Variants in ANKRD36C observed in about 807,000 individuals in gnomAD.
The protein encoded by ANKRD36C is ankyrin repeat domain 36C.
ANKRD36C carries 61 observed loss-of-function variants against 276.4 expected under a neutral mutation model. That is an observed-to-expected ratio of 0.22 (90% confidence interval 0.18 to 0.27). The LOEUF is 0.27. ANKRD36C is among the 10% of genes least tolerant of loss of function. The pLI, the probability that ANKRD36C is intolerant of heterozygous loss-of-function variation, is 1.00. For missense variants in ANKRD36C, 1,447 were observed against 2,032.3 expected (o/e 0.71, Z 5.54); for synonymous variants, 483 against 680.1 (o/e 0.71, Z 4.51).
chr2:95,945,117 T>C (rs372855619), exon 18 of ANKRD36C: 1 of 1,537,270 alleles, frequency 6.5e-7, no homozygotes, highest in Non-Finnish European at 8.7e-7. Context: ...AGCTTACACT[T>C]TTCTGCAGAT....
intron 42 of ANKRD36C, 133 bp from the exon 45 acceptor site, chr2:95,910,701 G>A (rs1409949344): frequency 2.0e-6 from 3 of 1,504,380 alleles, no homozygotes; most frequent in Non-Finnish European, 2.7e-6. Context: ...TCTACTTTGT[G>A]TCTGGGGACT....
intron 1 of ANKRD36C, among the ~76,000 whole-genome samples, chr2:95,989,354 CT>C (rs1312440752): frequency 6.6e-6 from 1 of 152,160 alleles, no homozygotes; most frequent in East Asian, 1.9e-4. Context: ...CACAATACCC[CT>C]GCCAGAAAAG....
intron 26 of ANKRD36C, 68 bp downstream of exon 26, chr2:95,929,004 T>C: frequency 6.3e-7 from 1 of 1,593,020 alleles, no homozygotes; most frequent in Admixed American, 1.7e-5. Flanking sequence ...CCCACTGATT[T>C]ATTTGGGGAA....
chr2:95,908,858 C>T (rs1230137202), intron 42 of ANKRD36C, among the ~76,000 whole-genome samples, 161 bp from the exon 47 acceptor site: 3,060 of 150,668 alleles, frequency 0.02, 23 homozygotes, highest in African/African-American at 0.072. Flanking sequence ...GACAGAAATA[C>T]GCTGAGAAAA....
chr2:95,874,919 A>G (rs1329534358), intron 59 of ANKRD36C, among the ~76,000 whole-genome samples: 4 of 152,278 alleles, frequency 2.6e-5, no homozygotes, highest in Non-Finnish European at 5.9e-5. Context: ...GCCAAAAAAC[A>G]CATGAAACAA....
exon 12 of ANKRD36C, chr2:95,958,610 A>C (rs1184965056): frequency 4.5e-6 from 7 of 1,545,902 alleles, no homozygotes; most frequent in Non-Finnish European, 6.1e-6. Flanking sequence ...ATTTTTGTTC[A>C]TCTTTTATTT....
At chr2:95,918,195 C>G (rs1190306677) in intron 34 of ANKRD36C, among the ~76,000 whole-genome samples, 153 bp from the exon 37 acceptor site, 1 of 151,602 alleles carries the variant, frequency 6.6e-6, no homozygotes, top group African/African-American at 2.4e-5. Flanking sequence ...TGGAACATGA[C>G]AGAAGTACAC....
At chr2:95,851,970 T>C (rs1253943657) in intron 65 of ANKRD36C, among the ~76,000 whole-genome samples, 156 bp downstream of exon 85, 11 of 152,218 alleles carry the variant, frequency 7.2e-5, no homozygotes, top group African/African-American at 2.2e-4. Context: ...TTAGGAATAA[T>C]GTAGAAAAAT....
At chr2:95,882,482 T>G in exon 55 of ANKRD36C, 1 of 1,550,666 alleles carries the variant, frequency 6.4e-7, no homozygotes, top group Non-Finnish European at 8.7e-7. Flanking sequence ...CTGGGCCGAT[T>G]GTTTCTGAGG....
chr2:95,859,972 T>A, exon 61 of ANKRD36C: 2 of 1,550,064 alleles, frequency 1.3e-6, no homozygotes. Flanking sequence ...ATTTTTCAGT[T>A]TTCGAATTTT....
intron 54 of ANKRD36C, among the ~76,000 whole-genome samples, chr2:95,882,827 C>T (rs1676115109): frequency 6.6e-6 from 1 of 151,982 alleles, no homozygotes. Flanking sequence ...ACTCATACAC[C>T]CAGGAATCAA....
intron 24 of ANKRD36C, among the ~76,000 whole-genome samples, chr2:95,931,229 C>T (rs1167213152): frequency 6.6e-6 from 1 of 151,576 alleles, no homozygotes; most frequent in Non-Finnish European, 1.5e-5. Flanking sequence ...CTAACATGTA[C>T]AAATTCCTTC....
chr2:95,917,909 C>A, exon 36 of ANKRD36C: 1 of 1,607,134 alleles, frequency 6.2e-7, no homozygotes, highest in Non-Finnish European at 8.5e-7. Context: ...GAAACAGAAT[C>A]TTCCTCGTCA....
In ANKRD36C at chr2:95,882,268, T is replaced by C. The variant is rs756444650; in HGVS notation, c.3367+34A>G. 14 of 1,547,886 alleles carry C rather than the reference T, an allele frequency of 9.0e-6. 1 individual carries two copies. In the South Asian group the frequency reaches 1.7e-4, roughly 18 times the overall value. ...GTGGGACATTGTCTTCTATCTTGAG[T>C]GCACATGACATTAAATGTATATTGC... On this transcript the variant is annotated intron_variant, in intron 56 of 66. Transcript: ENST00000456556.
chr2:95,910,665 C>T (rs758288892), intron 42 of ANKRD36C, 97 bp from the exon 45 acceptor site: 2 of 1,581,376 alleles, frequency 1.3e-6, no homozygotes, highest in African/African-American at 1.4e-5. Flanking sequence ...GTCCTCCTGC[C>T]TGTATTAGCG....
At chr2:95,934,281 C>T (rs1276415974) in intron 24 of ANKRD36C, among the ~76,000 whole-genome samples, 1 of 152,036 alleles carries the variant, frequency 6.6e-6, no homozygotes, top group Non-Finnish European at 1.5e-5. Context: ...AAAAATCATT[C>T]TACTATAAAG....
chr2:95,974,190 A>G (rs1243465521), intron 6 of ANKRD36C, among the ~76,000 whole-genome samples: 1 of 152,270 alleles, frequency 6.6e-6, no homozygotes, highest in African/African-American at 2.4e-5. Flanking sequence ...CATTAAAACT[A>G]TGTCAAGTTT....
At chr2:95,980,612 T>C (rs1168770022) in intron 5 of ANKRD36C, 36 bp downstream of exon 5, 1 of 1,594,776 alleles carries the variant, frequency 6.3e-7, no homozygotes, top group African/African-American at 1.3e-5. Context: ...TAAACTTCAA[T>C]TTAGTGTTCA....
chr2:95,988,162 A>AC (rs1316350030), intron 1 of ANKRD36C, among the ~76,000 whole-genome samples: 5 of 151,966 alleles, frequency 3.3e-5, no homozygotes, highest in South Asian at 4.1e-4. Flanking sequence ...AAAAAAAAAA[A>AC]AACAACAAAT....
Sources: allele counts gnomAD v4.1 joint callset (sites outside exome capture counted in the v4.1 genomes callset), GRCh38; gene constraint gnomAD v4.1.1; transcripts MANE v1.5; gene names NCBI Gene and HGNC (gene_info 2026-07-23, HGNC 2026-07-21).